SLC14A2: variants seen among roughly 807,000 people sequenced by gnomAD.
SLC14A2 encodes solute carrier family 14 member 2.
In SLC14A2, 91 loss-of-function variants were observed where a neutral mutation model predicts 104.6. That is an observed-to-expected ratio of 0.87 (90% confidence interval 0.73 to 1.04). The LOEUF (loss-of-function observed/expected upper bound fraction) is 1.04, where lower values mean the gene tolerates loss of function less well. Among genes scored for constraint, SLC14A2 ranks in the 50% least tolerant of loss-of-function variants. The pLI, the probability that SLC14A2 is intolerant of heterozygous loss-of-function variation, is 0.00. For synonymous variants in SLC14A2, 476 were observed against 466.4 expected (o/e 1.02, Z -0.27); for missense variants, 1,189 against 1,156.0 (o/e 1.03, Z -0.41).
chr18:45,579,770 G>T (rs1005071026), intron 2 of SLC14A2, among the ~76,000 whole-genome samples: 1 of 152,238 alleles, frequency 6.6e-6, no homozygotes, highest in African/African-American at 2.4e-5. Flanking sequence ...CAAAGTATTG[G>T]AAGTATGAAC....
chr18:45,356,215 T>C (rs992047101), intron 1 of SLC14A2, among the ~76,000 whole-genome samples: 2 of 152,226 alleles, frequency 1.3e-5, no homozygotes, highest in African/African-American at 2.4e-5. Context: ...CAATACCTTC[T>C]CCAAGTCTCA....
chr18:45,672,645 G>A (rs1051836648), intron 16 of SLC14A2, among the ~76,000 whole-genome samples: 6 of 152,218 alleles, frequency 3.9e-5, no homozygotes, highest in Admixed American at 6.5e-5. Flanking sequence ...TCTTCCCTGA[G>A]GGATAAATGC....
chr18:45,643,940 C>T (rs1227959010), intron 9 of SLC14A2, 46 bp from the exon 10 acceptor site: 1 of 1,578,756 alleles, frequency 6.3e-7, no homozygotes, highest in Non-Finnish European at 8.7e-7. Flanking sequence ...CAGCCCAACA[C>T]AGGAAACTAG....
intron 1 of SLC14A2, among the ~76,000 whole-genome samples, chr18:45,341,110 G>A (rs1440027852): frequency 2.0e-5 from 3 of 151,304 alleles, no homozygotes; most frequent in Non-Finnish European, 4.4e-5. Flanking sequence ...AACTGACCAA[G>A]ATTGTGGTTT....
chr18:45,199,522 T>C, the SLC14A2 span, among the ~76,000 whole-genome samples: 1 of 152,178 alleles, frequency 6.6e-6, no homozygotes, highest in Non-Finnish European at 1.5e-5. Context: ...CATTGTTGAG[T>C]TTCTCACTTC....
chr18:45,475,619 GATATATATATATATATATTT>G (rs2087347853), intron 1 of SLC14A2, among the ~76,000 whole-genome samples: 838 of 68,280 alleles, frequency 0.012, 25 homozygotes, highest in African/African-American at 0.041. Flanking sequence ...ATATATTTAG[GATATATATATATATATATTT>G]AGGATATATA....
At chr18:45,426,649 A>T (rs1184085321) in intron 1 of SLC14A2, among the ~76,000 whole-genome samples, 4 of 147,750 alleles carry the variant, frequency 2.7e-5, no homozygotes, top group African/African-American at 9.9e-5. Context: ...CTATATACAT[A>T]TATACATACA....
chr18:45,392,839 T>C (rs1323715559), intron 1 of SLC14A2, among the ~76,000 whole-genome samples: 4 of 152,212 alleles, frequency 2.6e-5, no homozygotes, highest in Admixed American at 6.5e-5. Context: ...TAAATGAAGA[T>C]AAAGCATGAA....
chr18:45,626,941 CTCTCTG>C lies in SLC14A2; in HGVS notation c.332-11_332-6del, dbSNP rs769854386. 11 of 1,601,768 alleles carry C rather than the reference CTCTCTG, an allele frequency of 6.9e-6. No individual in the cohort carries two copies. Among genetic ancestry groups the C allele is most frequent in the South Asian group, 6.7e-5 (6 of 90,060 alleles). On this transcript the variant is annotated splice_polypyrimidine_tract_variant and intron_variant, in intron 3 of 19. Coordinates refer to ENST00000255226, the MANE Select transcript of SLC14A2 (RefSeq NM_007163.4). ...CCAAGCTGGACCTGCTGATGGCTCG[CTCTCTG>C]TCTCTTTCAGACAAGCACCTTGCCC...
Position 45,472,856 on chromosome 18 carries a change from G to T in SLC14A2, c.-124-10377G>T, listed in dbSNP as rs562518495. ...GTTCACTCTGATGATAGTTTCTTTT[G>T]CTGTGCAGAAGCTCTTTAATTTAAT... is the stretch of plus-strand genomic sequence containing the variant. On this transcript the variant is annotated intron_variant, in intron 1 of 20. Transcript: ENST00000586448. Among the ~76,000 whole-genome samples, 44 of 152,186 alleles carry T rather than the reference G, an allele frequency of 2.9e-4. No individual in the cohort carries two copies. In the East Asian group the frequency reaches 8.1e-3, roughly 28 times the overall value.
intron 1 of SLC14A2, among the ~76,000 whole-genome samples, chr18:45,374,240 T>A (rs1328247798): frequency 6.6e-6 from 1 of 152,206 alleles, no homozygotes; most frequent in Admixed American, 6.5e-5. Flanking sequence ...AAGTCACCCT[T>A]GTGCAGTTTG....
At chr18:45,308,848 G>T (rs1202144062) in intron 1 of SLC14A2, among the ~76,000 whole-genome samples, 1 of 152,182 alleles carries the variant, frequency 6.6e-6, no homozygotes, top group African/African-American at 2.4e-5. Flanking sequence ...TGACCATCTG[G>T]TTGTTGCCTA....
intron 1 of SLC14A2, among the ~76,000 whole-genome samples, chr18:45,386,193 C>T (rs901359610): frequency 3.9e-5 from 6 of 152,142 alleles, no homozygotes; most frequent in African/African-American, 1.4e-4. Flanking sequence ...TGAGAAGCTA[C>T]ATCTGTCTAG....
At chr18:45,614,060 G>A (rs2045019057), upstream of SLC14A2, among the ~76,000 whole-genome samples, 1 of 152,180 alleles carries the variant, frequency 6.6e-6, no homozygotes, top group Non-Finnish European at 1.5e-5. Flanking sequence ...AAAAACAATG[G>A]GCTGGTCCAG....
At position 45,416,901 on chromosome 18, in the gene SLC14A2, G is replaced by C. The variant is rs1453393543; in HGVS notation, c.-124-66332G>C. Among the ~76,000 whole-genome samples, 3 of 152,304 alleles carry C rather than the reference G, an allele frequency of 2.0e-5. No homozygotes were observed. In the South Asian group the frequency reaches 6.2e-4, roughly 32 times the overall value. The stretch of plus-strand genomic sequence containing the variant: ...CCAGAAATCACAATGTGCTTCTGAT[G>C]TATCATCTGAGGAGGGAAAATGAGT... On this transcript the variant is annotated intron_variant, in intron 1 of 20. Coordinates refer to the SLC14A2 transcript ENST00000586448.
chr18:45,192,269 T>C, the SLC14A2 span, among the ~76,000 whole-genome samples: 6 of 152,342 alleles, frequency 3.9e-5, no homozygotes, highest in South Asian at 8.3e-4. Context: ...GGAAGCCTAA[T>C]TGACATATTA....
Position 45,640,208 on chromosome 18 carries a change from G to A in SLC14A2, c.991+315G>A, listed in dbSNP as rs186839444. ...GGAGAATCACTTGAACCCAGGAGGT[G>A]GAGGTTGCAATGAGCCAAGATCGTA... is the stretch of plus-strand genomic sequence containing the variant. On this transcript the variant is annotated intron_variant, in intron 7 of 19. Coordinates refer to ENST00000255226, the MANE Select transcript of SLC14A2 (RefSeq NM_007163.4). Among the ~76,000 whole-genome samples the A allele has an allele frequency of 3.5e-3, 525 of 151,964 alleles. 3 individuals are homozygous for A. Among genetic ancestry groups the A allele is most frequent in the African/African-American group, 9.2e-3 (382 of 41,408 alleles).
chr18:45,435,902 G>T (rs1460737975), intron 1 of SLC14A2, among the ~76,000 whole-genome samples: 1 of 152,122 alleles, frequency 6.6e-6, no homozygotes, highest in Non-Finnish European at 1.5e-5. Context: ...AATGTACATG[G>T]ATAAATATAA....
intron 2 of SLC14A2, among the ~76,000 whole-genome samples, chr18:45,587,416 G>A (rs925078459): frequency 4.6e-5 from 7 of 152,212 alleles, no homozygotes; most frequent in Non-Finnish European, 7.4e-5. Flanking sequence ...ATACTTTTTG[G>A]GGCATATGGT....
Sources: allele counts gnomAD v4.1 joint callset (sites outside exome capture counted in the v4.1 genomes callset), GRCh38; gene constraint gnomAD v4.1.1; transcripts MANE v1.5; gene names NCBI Gene and HGNC (gene_info 2026-07-23, HGNC 2026-07-21).